Variants in SDC2 observed in about 807,000 individuals in gnomAD.
SDC2 encodes the protein syndecan 2, also known as syndecan-2.
A neutral mutation model predicts 22.2 loss-of-function variants in SDC2; 13 were observed. The ratio of observed to expected loss-of-function variants is 0.59; its 90% CI spans 0.38 to 0.93. SDC2 has a LOEUF of 0.93. Ranked by LOEUF, SDC2 falls within the 40% of genes least tolerant of loss-of-function variation. The pLI, the probability that SDC2 is intolerant of heterozygous loss-of-function variation, is 0.00. For synonymous variants in SDC2, 94 were observed against 92.8 expected, an observed-to-expected ratio of 1.01 and a Z score of -0.07; for missense variants, 235 against 246.8, an observed-to-expected ratio of 0.95 and a Z score of 0.32.
intron 1 of SDC2, among the ~76,000 whole-genome samples, chr8:96,576,708 C>CGCG (rs1460813441): frequency 6.6e-6 from 1 of 151,478 alleles, no homozygotes; most frequent in African/African-American, 2.4e-5. Context: ...CGTGAGCCAC[C>CGCG]GCGCCCGGCC....
intron 1 of SDC2, 23 bp from the exon 2 acceptor site, chr8:96,593,457 C>T (rs904706793): frequency 3.3e-6 from 5 of 1,507,730 alleles, no homozygotes; most frequent in Middle Eastern, 1.7e-4. Context: ...AACATCCTGA[C>T]TCCCTTGTCT....
chr8:96,604,995 G>A (rs550316541), intron 3 of SDC2, among the ~76,000 whole-genome samples: 14 of 152,308 alleles, frequency 9.2e-5, no homozygotes, highest in African/African-American at 3.1e-4. Flanking sequence ...TGCACCTCCA[G>A]CTGCAGGGCG....
At chr8:96,597,174 T>C (rs1563676022) in intron 2 of SDC2, among the ~76,000 whole-genome samples, 1 of 152,188 alleles carries the variant, frequency 6.6e-6, no homozygotes, top group South Asian at 2.1e-4. Context: ...AAATAAGTTC[T>C]TAGATTAAGA....
intron 1 of SDC2, among the ~76,000 whole-genome samples, chr8:96,537,962 TTG>T (rs1813781054): frequency 2.0e-5 from 3 of 152,120 alleles, no homozygotes; most frequent in Non-Finnish European, 4.4e-5. Context: ...TTTTGTTTGT[TTG>T]TTTGTTTGTT....
In SDC2 at chr8:96,609,615, T is replaced by A. The variant is rs983726608; in HGVS notation, c.*67T>A. 9 of 1,152,052 alleles carry A rather than the reference T, an allele frequency of 7.8e-6. No individual in the cohort carries two copies. Among genetic ancestry groups the A allele is most frequent in the Middle Eastern group, 2.1e-4 (1 of 4,744 alleles). 71.4% of individuals were successfully genotyped at this position (1,152,052 alleles called of 1,614,324 possible). A position where few individuals can be genotyped will look rare whatever the true frequency, so the allele number is the denominator to read the frequency against. On this transcript the variant is annotated 3_prime_UTR_variant, in exon 5 of 5. Coordinates refer to ENST00000302190, the MANE Select transcript of SDC2 (RefSeq NM_002998.4). ...TTCAAAATAAAGCTTTTGCATAGAA[T>A]AATGAAGATCTTTGTTTTTTGTTTT...
rs186131729 is a variant in SDC2, at chr8:96,566,089, A to T, written c.61-27391A>T. Among the ~76,000 whole-genome samples, 752 of 152,342 alleles carry T rather than the reference A, an allele frequency of 4.9e-3. 4 individuals carry two copies. The highest frequency in any genetic ancestry group is 8.3e-3 in the Non-Finnish European group (564 of 68,028). ...CATCTGGTCTTCCTCACATGGGCAC[A>T]GTGAGCACTCACTGGAATAGTGTTC... On this transcript the variant is annotated intron_variant, in intron 1 of 4. Coordinates refer to ENST00000302190, the MANE Select transcript of SDC2 (RefSeq NM_002998.4).
At chr8:96,518,221 T>C (rs1813436875) in intron 1 of SDC2, among the ~76,000 whole-genome samples, 1 of 152,134 alleles carries the variant, frequency 6.6e-6, no homozygotes, top group Non-Finnish European at 1.5e-5. Context: ...CATGTGATCT[T>C]TGTAATGTTT....
At chr8:96,537,516 C>T (rs1438807018) in intron 1 of SDC2, 4 of 152,120 alleles carry the variant, frequency 2.6e-5, no homozygotes, top group Admixed American at 1.3e-4. Context: ...TCTTCGATGG[C>T]AGCATTTTCT....
At chr8:96,523,120 GATAA>G (rs1813522740) in intron 1 of SDC2, among the ~76,000 whole-genome samples, 1 of 152,178 alleles carries the variant, frequency 6.6e-6, no homozygotes, top group Admixed American at 6.5e-5. Context: ...ATGCAACAGT[GATAA>G]ACCTCTGAAT....
At chr8:96,544,030 C>G (rs865966934) in intron 1 of SDC2, among the ~76,000 whole-genome samples, 2 of 152,066 alleles carry the variant, frequency 1.3e-5, no homozygotes, top group Non-Finnish European at 2.9e-5. Flanking sequence ...AGACTAAAAC[C>G]CAGGTCTTCT....
chr8:96,518,502 A>G (rs1201118032), intron 1 of SDC2, among the ~76,000 whole-genome samples: 3 of 151,928 alleles, frequency 2.0e-5, no homozygotes, highest in Non-Finnish European at 4.4e-5. Context: ...CTGGGACTAC[A>G]GACGCCCGCC....
intron 1 of SDC2, among the ~76,000 whole-genome samples, chr8:96,511,395 C>T (rs1379673953): frequency 6.6e-6 from 1 of 152,184 alleles, no homozygotes; most frequent in East Asian, 1.9e-4. Context: ...TATCAAACCC[C>T]ACCTGAGACT....
intron 1 of SDC2, among the ~76,000 whole-genome samples, chr8:96,547,737 T>C (rs1298506513): frequency 6.8e-6 from 1 of 147,052 alleles, no homozygotes; most frequent in African/African-American, 2.7e-5. Context: ...CTTGTTTGAT[T>C]TTTTTTTTTT....
At chr8:96,496,554 T>C (rs1813077672) in intron 1 of SDC2, among the ~76,000 whole-genome samples, 1 of 152,236 alleles carries the variant, frequency 6.6e-6, no homozygotes, top group Non-Finnish European at 1.5e-5. Flanking sequence ...GTTTGTTTCA[T>C]GTATAGCAGC....
intron 1 of SDC2, among the ~76,000 whole-genome samples, chr8:96,512,159 A>G (rs553652195): frequency 3.2e-4 from 49 of 152,340 alleles, no homozygotes; most frequent in African/African-American, 9.6e-4. Flanking sequence ...TATTTGCAGC[A>G]TAGTCACGTG....
rs35452131 is a variant in SDC2, at chr8:96,532,412, G to GTTTTTTTTTTTTTTTTT, written c.60+38088_60+38104dup. Among the ~76,000 whole-genome samples the GTTTTTTTTTTTTTTTTT allele has an allele frequency of 5.0e-4, 24 of 47,942 alleles. 4 individuals carry two copies. Among genetic ancestry groups the GTTTTTTTTTTTTTTTTT allele is most frequent in the African/African-American group, 2.4e-3 (23 of 9,554 alleles). 31.5% of individuals were successfully genotyped at this position (47,942 alleles called of 152,430 possible). ...CCTGAGTCTCTCTGCTTATTGAGGCGTTTTTTTTTTTTTTTTTTTTTTTGG... is the reference window on the plus strand; with the variant it reads ...CCTGAGTCTCTCTGCTTATTGAGGCGTTTTTTTTTTTTTTTTTTTTTTTTTTTTTTTTTTTTTTTTGG... On this transcript the variant is annotated intron_variant, in intron 1 of 4. Coordinates refer to ENST00000302190, the MANE Select transcript of SDC2 (RefSeq NM_002998.4).
chr8:96,572,433 G>C (rs1814411741), intron 1 of SDC2, among the ~76,000 whole-genome samples: 1 of 152,130 alleles, frequency 6.6e-6, no homozygotes, highest in African/African-American at 2.4e-5. Context: ...GAACTCCCCA[G>C]TCAAATGGTT....
intron 1 of SDC2, among the ~76,000 whole-genome samples, chr8:96,515,149 A>G (rs547446047): frequency 2.0e-5 from 3 of 152,300 alleles, no homozygotes; most frequent in African/African-American, 4.8e-5. Context: ...AAAACCAGCT[A>G]GTCTCTGCAG....
At chr8:96,524,513 G>T (rs948556327) in intron 1 of SDC2, among the ~76,000 whole-genome samples, 2 of 152,062 alleles carry the variant, frequency 1.3e-5, no homozygotes, top group Non-Finnish European at 2.9e-5. Context: ...CCAGTTTAGG[G>T]TATCAACTCC....
Sources: gnomAD v4.1 joint callset for allele counts (sites outside exome capture counted in the v4.1 genomes callset) on GRCh38, gnomAD v4.1.1 for gene constraint, MANE v1.5 for transcripts, NCBI Gene and HGNC (gene_info 2026-07-23, HGNC 2026-07-21) for gene names.